The following SORCS1 variants were observed in gnomAD, a reference collection of about 807,000 sequenced individuals.
SORCS1 encodes VPS10 domain-containing receptor SorCS1.
In SORCS1, 60 loss-of-function variants were observed where a neutral mutation model predicts 146.1. The ratio of observed to expected loss-of-function variants is 0.41; its 90% confidence interval spans 0.33 to 0.51. The LOEUF is 0.51. Ranked by LOEUF, SORCS1 falls within the 20% of genes least tolerant of loss-of-function variation. SORCS1 has a pLI of 0.21. For missense variants in SORCS1, 1,352 were observed against 1,487.6 expected (o/e 0.91, Z 1.50); for synonymous variants, 637 against 584.0 (o/e 1.09, Z -1.31).
intron 1 of SORCS1, among the ~76,000 whole-genome samples, chr10:107,040,846 G>A (rs541791836): frequency 2.6e-5 from 4 of 152,216 alleles, no homozygotes; most frequent in South Asian, 2.1e-4. Context: ...ATTTACCAGC[G>A]TTGGAAATGT....
chr10:106,981,441 T>G (rs1238829903), intron 1 of SORCS1, among the ~76,000 whole-genome samples: 1 of 152,212 alleles, frequency 6.6e-6, no homozygotes, highest in Admixed American at 6.5e-5. Flanking sequence ...CATACACCAC[T>G]TCTAATAAAC....
At chr10:107,071,757 A>G (rs1248385136) in intron 1 of SORCS1, among the ~76,000 whole-genome samples, 1 of 152,222 alleles carries the variant, frequency 6.6e-6, no homozygotes, top group Non-Finnish European at 1.5e-5. Flanking sequence ...CAGAAACCAC[A>G]TCACTTACTT....
chr10:107,134,146 C>T (rs138249222), intron 1 of SORCS1, among the ~76,000 whole-genome samples: 98 of 152,204 alleles, frequency 6.4e-4, no homozygotes, highest in Non-Finnish European at 3.5e-4. Flanking sequence ...TACTTTCACT[C>T]TAATAGGTTG....
At chr10:106,819,393 T>C (rs565124772) in intron 3 of SORCS1, among the ~76,000 whole-genome samples, 20 of 152,334 alleles carry the variant, frequency 1.3e-4, no homozygotes, top group Admixed American at 5.9e-4. Flanking sequence ...TTAAATACTG[T>C]TCCACAACTA....
At chr10:106,673,048 G>A in intron 14 of SORCS1, 63 bp from the exon 15 acceptor site, 1 of 1,356,712 alleles carries the variant, frequency 7.4e-7, no homozygotes, top group Non-Finnish European at 1.0e-6. Context: ...AATAACAACA[G>A]AGAGCATTTG....
At chr10:106,767,351 T>C (rs1859648556) in intron 4 of SORCS1, among the ~76,000 whole-genome samples, 1 of 152,192 alleles carries the variant, frequency 6.6e-6, no homozygotes, top group Non-Finnish European at 1.5e-5. Flanking sequence ...CTTACGGAAC[T>C]AGAGCCGGTT....
chr10:106,864,122 A>C (rs1442039515), intron 2 of SORCS1, among the ~76,000 whole-genome samples: 1 of 152,220 alleles, frequency 6.6e-6, no homozygotes. Context: ...AAGTTGGCTC[A>C]CTAGAAACAG....
intron 3 of SORCS1, among the ~76,000 whole-genome samples, chr10:106,811,062 C>A (rs1947433520): frequency 6.6e-6 from 1 of 151,886 alleles, no homozygotes; most frequent in Non-Finnish European, 1.5e-5. Context: ...GCCTCAGCCT[C>A]CCAAGTAGCT....
intron 24 of SORCS1, among the ~76,000 whole-genome samples, chr10:106,583,451 C>T (rs918228763): frequency 3.3e-5 from 5 of 152,182 alleles, no homozygotes; most frequent in Admixed American, 2.0e-4. Flanking sequence ...CCACATAACA[C>T]TCTAGGAAAT....
At position 106,682,860 on chromosome 10, in the gene SORCS1, T is replaced by C. The variant is rs76324640; in HGVS notation, c.1561-3126A>G. On this transcript the variant is annotated intron_variant, in intron 10 of 25. Transcript: ENST00000263054. ...TTTCCACATTAAGAAAATGTAGAAA[T>C]GTACACCCAAACCACCAATGCCAGC... Among the ~76,000 whole-genome samples the C allele has an allele frequency of 8.4e-3, 1,284 of 152,278 alleles. 20 individuals are homozygous for C. The highest frequency in any genetic ancestry group is 0.029 in the African/African-American group (1,221 of 41,552).
At chr10:107,026,451 C>T (rs924929845) in intron 1 of SORCS1, among the ~76,000 whole-genome samples, 7 of 151,810 alleles carry the variant, frequency 4.6e-5, no homozygotes, top group Admixed American at 6.6e-5. Flanking sequence ...AACCCTGTGT[C>T]TACTAAAAAT....
chr10:106,659,077 T>C (rs188641226), intron 17 of SORCS1, among the ~76,000 whole-genome samples: 33 of 152,284 alleles, frequency 2.2e-4, no homozygotes, highest in Non-Finnish European at 1.3e-4. Flanking sequence ...TGTCCACATA[T>C]CAACAATAAT....
chr10:106,924,483 A>G (rs548972401), intron 2 of SORCS1, among the ~76,000 whole-genome samples: 34 of 150,718 alleles, frequency 2.3e-4, no homozygotes, highest in African/African-American at 8.0e-4. Flanking sequence ...CTATCTATCT[A>G]TCTATCTATC....
intron 1 of SORCS1, among the ~76,000 whole-genome samples, chr10:107,072,933 T>C (rs550349281): frequency 3.3e-5 from 5 of 152,240 alleles, no homozygotes; most frequent in Admixed American, 2.0e-4. Flanking sequence ...TCAGCGATAT[T>C]CAATGACACT....
Position 106,629,240 on chromosome 10 carries a change from A to C in SORCS1, c.2624T>G (p.Leu875Arg). 2.5e-6 allele frequency: 4 copies of C among 1,614,104 alleles called. No individual in the cohort carries two copies. Among genetic ancestry groups the C allele is most frequent in the Non-Finnish European group, 3.4e-6 (4 of 1,179,966 alleles). Residue 875 changes from leucine (L) to arginine (R), a missense_variant, in exon 19 of 26, where the codon CTG becomes CGG. Coordinates refer to ENST00000263054, the MANE Select transcript of SORCS1 (RefSeq NM_052918.5). ...GTACAGGACGGCGCTGTCAGAACCC[A>C]GACTGTTGTCCACCTGCACGGTCAC... ...FRVTVQVDNS[L>R]GSDSAVLYLH...
intron 2 of SORCS1, among the ~76,000 whole-genome samples, chr10:106,914,269 G>C (rs1343029402): frequency 2.6e-5 from 4 of 151,766 alleles, no homozygotes; most frequent in Non-Finnish European, 5.9e-5. Flanking sequence ...TCTCCCATTG[G>C]GACAGTAATA....
At chr10:106,992,509 G>A (rs1956806969) in intron 1 of SORCS1, among the ~76,000 whole-genome samples, 1 of 151,782 alleles carries the variant, frequency 6.6e-6, no homozygotes, top group African/African-American at 2.4e-5. Flanking sequence ...TTTTCTTTTA[G>A]GAGATGGAGT....
chr10:106,615,561 C>G (rs1847303680), intron 21 of SORCS1, among the ~76,000 whole-genome samples: 1 of 152,156 alleles, frequency 6.6e-6, no homozygotes. Flanking sequence ...TGCCTGTAAT[C>G]TCAGTACTTT....
intron 10 of SORCS1, among the ~76,000 whole-genome samples, chr10:106,683,062 G>A (rs1852562590): frequency 6.6e-6 from 1 of 152,162 alleles, no homozygotes; most frequent in Non-Finnish European, 1.5e-5. Flanking sequence ...TGATGCAAAT[G>A]AAAGACCAAG....
Sources: gnomAD v4.1 joint callset for allele counts (sites outside exome capture counted in the v4.1 genomes callset) on GRCh38, gnomAD v4.1.1 for gene constraint, MANE v1.5 for transcripts, NCBI Gene and HGNC (gene_info 2026-07-23, HGNC 2026-07-21) for gene names.